IL4R: variants seen among roughly 807,000 people sequenced by gnomAD.
IL4R encodes interleukin-4 receptor subunit alpha.
Under a neutral mutation model 41.5 loss-of-function variants are expected in IL4R, and 17 were observed. The observed-to-expected ratio is 0.41, with a 90% CI of 0.28 to 0.61. The LOEUF (loss-of-function observed/expected upper bound fraction) is 0.61. Ranked by LOEUF, IL4R falls within the 20% of genes least tolerant of loss-of-function variation. IL4R has a pLI of 0.31. For missense variants in IL4R, 974 were observed against 1,043.1 expected, an observed-to-expected ratio of 0.93 and a Z score of 0.91; for synonymous variants, 402 against 422.9, an observed-to-expected ratio of 0.95 and a Z score of 0.61.
At chr16:27,337,909 G>A (rs1364037010) in intron 2 of IL4R, among the ~76,000 whole-genome samples, 1 of 150,774 alleles carries the variant, frequency 6.6e-6, no homozygotes, top group African/African-American at 2.4e-5. Context: ...CTGGGGAAAA[G>A]TACACACTTG....
chr16:27,363,550 G>T lies in IL4R; in HGVS notation c.2198G>T (p.Gly733Val). Residue 733 changes from glycine to valine, a missense_variant, in exon 11 of 11, where the codon GGT (glycine) becomes GTT (valine). This residue lies in a region of IL4R where 682 missense variants were observed against 704.3 expected (regional missense o/e 0.97). Transcript: ENST00000395762. ...AAACAGTGTCATGGCCAGGAGGATGGTGGCCAGACCCCTGTCATGGCCAGT... is the reference window on the plus strand; with the variant it reads ...AAACAGTGTCATGGCCAGGAGGATGTTGGCCAGACCCCTGTCATGGCCAGT... ...HLKQCHGQED[G>V]GQTPVMASPC... 6.2e-7 allele frequency: 1 copy of T among 1,614,140 alleles called. No homozygotes were observed. The highest frequency in any genetic ancestry group is 8.5e-7 in the Non-Finnish European group (1 of 1,180,020).
At chr16:27,348,613 T>G (rs906906705) in intron 6 of IL4R, among the ~76,000 whole-genome samples, 2 of 152,174 alleles carry the variant, frequency 1.3e-5, no homozygotes, top group Non-Finnish European at 2.9e-5. Context: ...GGAAAAGGGT[T>G]TTTTTTCTTG....
At chr16:27,357,823 T>A (rs1450913028) in intron 8 of IL4R, among the ~76,000 whole-genome samples, 1 of 152,104 alleles carries the variant, frequency 6.6e-6, no homozygotes, top group East Asian at 1.9e-4. Context: ...ATCTTGAACT[T>A]CTACCCCTTT....
chr16:27,361,171 C>G (rs2086270524), intron 10 of IL4R, among the ~76,000 whole-genome samples: 1 of 146,652 alleles, frequency 6.8e-6, no homozygotes, highest in Admixed American at 6.7e-5. Flanking sequence ...CAGGATCTCA[C>G]TCTGTGGCCC....
At position 27,342,255 on chromosome 16, in the gene IL4R, T is replaced by C. The variant is rs904085389; in HGVS notation, c.205T>C (p.Ser69Pro). ...RLLYQLVFLL[S>P]EAHTCIPENN... ...GTTGTACCAGCTGGTTTTTCTGCTC[T>C]CCGAGTAAGCCTGCGCTGGAGCTGG... The change falls in exon 4 of 11, where the codon TCC (serine) becomes CCC (proline). Residue 69 changes from serine to proline, a missense_variant. Coordinates refer to ENST00000395762, the MANE Select transcript of IL4R (RefSeq NM_000418.4). 5 of 1,614,196 alleles carry C rather than the reference T, an allele frequency of 3.1e-6. No individual in the cohort carries two copies. The South Asian group carries it at 5.5e-5, about 18-fold the overall frequency.
chr16:27,344,942 A>G lies in IL4R; in HGVS notation c.283A>G (p.Ser95Gly), dbSNP rs775052929. Residue 95 changes from serine to glycine, a missense_variant, in exon 5 of 11, where the codon AGT becomes GGT. Physicochemically the swap from Ser to Gly is moderately conservative, Grantham distance 56. Coordinates refer to ENST00000395762, the MANE Select transcript of IL4R (RefSeq NM_000418.4). ...CCACCTGCTCATGGATGACGTGGTCAGTGCGGATAACTATACACTGGACCT... is the reference window on the plus strand; with the variant it reads ...CCACCTGCTCATGGATGACGTGGTCGGTGCGGATAACTATACACTGGACCT... ...VCHLLMDDVVSADNYTLDLWA... is the reference protein window; with the variant it reads ...VCHLLMDDVVGADNYTLDLWA... 29 of 1,614,164 alleles carry G rather than the reference A, an allele frequency of 1.8e-5. No individual in the cohort carries two copies. The highest frequency in any genetic ancestry group is 2.5e-5 in the Non-Finnish European group (29 of 1,180,022).
chr16:27,345,040 G>GAAAGAAA lies in IL4R; in HGVS notation c.361+20_361+21insAAAGAAA. The GAAAGAAA allele has an allele frequency of 6.2e-7, 1 of 1,606,356 alleles. No homozygotes were observed. Among genetic ancestry groups the GAAAGAAA allele is most frequent in the Non-Finnish European group, 8.5e-7 (1 of 1,177,132 alleles). Reference sequence around the variant, plus strand: ...AGCATGGTGAGCAGGGCGGAGTGCGGCAGGGGTGGCTGGGTGTGTTCCCAC... The same window carrying GAAAGAAA: ...AGCATGGTGAGCAGGGCGGAGTGCGGAAAGAAACAGGGGTGGCTGGGTGTGTTCCCAC... On this transcript the variant is annotated intron_variant, in intron 5 of 10. Coordinates refer to ENST00000395762, the MANE Select transcript of IL4R (RefSeq NM_000418.4). This position sits in a 1 kb window ranked among gnomAD's most constrained non-coding sequence, Gnocchi z 4.5.
intron 8 of IL4R, among the ~76,000 whole-genome samples, chr16:27,358,293 C>T (rs2086163653): frequency 6.6e-6 from 1 of 152,262 alleles, no homozygotes; most frequent in African/African-American, 2.4e-5. Flanking sequence ...GTTGTGGCCT[C>T]AGGGCCAGGC....
chr16:27,363,277 C>G lies in IL4R; in HGVS notation c.1925C>G (p.Pro642Arg). 6.2e-7 allele frequency: 1 copy of G among 1,603,108 alleles called. No homozygotes were observed. The highest frequency in any genetic ancestry group is 1.1e-5 in the South Asian group (1 of 89,646). The change falls in exon 11 of 11, where the codon CCT (proline) becomes CGT (arginine). Residue 642 changes from proline (P) to arginine (R), a missense_variant. Around this residue, in one of 3 missense-constraint regions of IL4R, gnomAD observed 682 missense variants for 704.3 expected, o/e 0.97. Coordinates refer to ENST00000395762, the MANE Select transcript of IL4R (RefSeq NM_000418.4). Reference sequence around the variant, plus strand: ...TTCCAAGACCTCATTCCTGGCTGCCCTGGGGACCCTGCCCCAGTCCCTGTC... The same window carrying G: ...TTCCAAGACCTCATTCCTGGCTGCCGTGGGGACCCTGCCCCAGTCCCTGTC... ...KPFQDLIPGCPGDPAPVPVPL... is the reference protein window; with the variant it reads ...KPFQDLIPGCRGDPAPVPVPL...
chr16:27,355,312 A>T (rs779065272), intron 7 of IL4R: 5 of 305,104 alleles, frequency 1.6e-5, no homozygotes, highest in Non-Finnish European at 3.3e-5. Flanking sequence ...AACAAGGAGA[A>T]GTCAACCGTG....
At chr16:27,348,804 A>T (rs746990951) in intron 6 of IL4R, among the ~76,000 whole-genome samples, 2 of 152,186 alleles carry the variant, frequency 1.3e-5, no homozygotes, top group Non-Finnish European at 2.9e-5. Flanking sequence ...CATCCAAACC[A>T]GATGAACTGA....
intron 1 of IL4R, among the ~76,000 whole-genome samples, chr16:27,323,841 T>C (rs779826267): frequency 2.0e-5 from 3 of 152,030 alleles, no homozygotes; most frequent in Non-Finnish European, 4.4e-5. Flanking sequence ...GTATTTTTGG[T>C]AGAGACGGGG....
intron 2 of IL4R, among the ~76,000 whole-genome samples, chr16:27,332,426 C>A (rs537357298): frequency 2.0e-5 from 3 of 152,054 alleles, no homozygotes; most frequent in African/African-American, 7.2e-5. Flanking sequence ...GAACTGCTCC[C>A]GTAATCTAAT....
intron 3 of IL4R, chr16:27,341,346 G>C (rs2085436171): frequency 1.7e-6 from 1 of 599,586 alleles, no homozygotes; most frequent in Non-Finnish European, 3.0e-6. Flanking sequence ...TCAGGAGTTA[G>C]TTTTGGACAT....
chr16:27,321,421 A>G (rs577713542), intron 1 of IL4R, among the ~76,000 whole-genome samples: 1 of 152,332 alleles, frequency 6.6e-6, no homozygotes, highest in South Asian at 2.1e-4. Flanking sequence ...ACATGAGTCA[A>G]CTGGTTGGAG....
chr16:27,315,845 A>T (rs2084631218), intron 1 of IL4R, among the ~76,000 whole-genome samples: 1 of 152,200 alleles, frequency 6.6e-6, no homozygotes, highest in Non-Finnish European at 1.5e-5. Flanking sequence ...ATCTGGAGGG[A>T]GACGCTGGGG....
At chr16:27,344,804 G>A (rs530143808) in intron 4 of IL4R, 65 bp from the exon 5 acceptor site, 135 of 1,531,126 alleles carry the variant, frequency 8.8e-5, no homozygotes, top group Middle Eastern at 2.0e-4. Flanking sequence ...GGCATGTCCC[G>A]GACACAGCTG....
rs758276463 is a variant in IL4R, at chr16:27,362,339, A to G, written c.987A>G (p.Lys329=). 6.2e-7 allele frequency: 1 copy of G among 1,614,218 alleles called. No homozygotes were observed. Among genetic ancestry groups the G allele is most frequent in the Non-Finnish European group, 8.5e-7 (1 of 1,180,042 alleles). ...KRDEDPHKAA[K]EMPFQGSGKS... ...ATGAAGATCCTCACAAGGCTGCCAA[A>G]GAGATGCCTTTCCAGGGCTCTGGAA... is the stretch of plus-strand genomic sequence containing the variant. The change falls in exon 11 of 11, where the codon AAA becomes AAG. Residue 329 remains lysine (K), a synonymous_variant. Transcript: ENST00000395762.
chr16:27,341,534 T>G (rs1257032898), intron 3 of IL4R, among the ~76,000 whole-genome samples: 1 of 152,086 alleles, frequency 6.6e-6, no homozygotes, highest in Non-Finnish European at 1.5e-5. Context: ...CCAATTCCAG[T>G]CCTGCCATGG....
Sources: allele counts gnomAD v4.1 joint callset (sites outside exome capture counted in the v4.1 genomes callset), GRCh38; gene constraint gnomAD v4.1.1; regional missense constraint gnomAD v4.1.1; non-coding constraint Gnocchi (gnomAD v3.1); transcripts MANE v1.5; gene names NCBI Gene and HGNC (gene_info 2026-07-23, HGNC 2026-07-21).